The following ASXL3 variants were observed in gnomAD, a reference collection of about 807,000 sequenced individuals.
ASXL3 encodes the protein putative Polycomb group protein ASXL3.
In ASXL3, 34 loss-of-function variants were observed where a neutral mutation model predicts 170.6. The observed-to-expected ratio is 0.20, with a 90% CI of 0.15 to 0.27. The LOEUF (loss-of-function observed/expected upper bound fraction) is 0.27, where lower values mean the gene tolerates loss of function less well. ASXL3 is among the 10% of genes least tolerant of loss of function. ASXL3 has a pLI of 1.00. For synonymous variants in ASXL3, 1,002 were observed against 989.1 expected, an observed-to-expected ratio of 1.01 and a Z score of -0.24; for missense variants, 2,592 against 2,695.3, an observed-to-expected ratio of 0.96 and a Z score of 0.85.
chr18:33,661,764 TC>T, intron 5 of ASXL3, 27 bp downstream of exon 5: 1 of 1,606,918 alleles, frequency 6.2e-7, no homozygotes. Context: ...TTATTCTTTG[TC>T]CTTCAGTTCT....
At chr18:33,651,464 GGA>G (rs761761932) in intron 4 of ASXL3, among the ~76,000 whole-genome samples, 2 of 151,906 alleles carry the variant, frequency 1.3e-5, no homozygotes, top group Non-Finnish European at 2.9e-5. Context: ...TGGAAAGGAG[GGA>G]GAGAGGGAGT....
At chr18:33,731,477 C>A (rs2067443061) in intron 8 of ASXL3, among the ~76,000 whole-genome samples, 1 of 152,178 alleles carries the variant, frequency 6.6e-6, no homozygotes, top group South Asian at 2.1e-4. Flanking sequence ...TCTAACCATT[C>A]TGTCTGGATC....
chr18:33,709,504 A>G (rs1387484785), intron 8 of ASXL3, among the ~76,000 whole-genome samples: 1 of 152,184 alleles, frequency 6.6e-6, no homozygotes, highest in Non-Finnish European at 1.5e-5. Context: ...TCACAAATAC[A>G]ATGTTGAGCA....
At chr18:33,621,464 C>G (rs2065511227) in intron 2 of ASXL3, among the ~76,000 whole-genome samples, 1 of 152,132 alleles carries the variant, frequency 6.6e-6, no homozygotes, top group Non-Finnish European at 1.5e-5. Flanking sequence ...TTGCACCTAC[C>G]TAATAGTAAA....
At chr18:33,654,677 G>A (rs1441344186) in intron 4 of ASXL3, among the ~76,000 whole-genome samples, 1 of 121,224 alleles carries the variant, frequency 8.2e-6, no homozygotes, top group African/African-American at 3.1e-5. Flanking sequence ...TAGATCACAG[G>A]GGTTATACCA....
intron 5 of ASXL3, among the ~76,000 whole-genome samples, chr18:33,670,465 T>TA (rs1568317203): frequency 6.6e-6 from 1 of 152,182 alleles, no homozygotes; most frequent in Non-Finnish European, 1.5e-5. Context: ...GTCTCGGGCT[T>TA]ATACCCTTTG....
rs1470205057 is a variant in ASXL3, at chr18:33,683,391, C to T, written c.716-14C>T. The T allele has an allele frequency of 1.9e-6, 3 of 1,604,560 alleles. No individual in the cohort carries two copies. Among genetic ancestry groups the T allele is most frequent in the South Asian group, 2.2e-5 (2 of 89,020 alleles). The stretch of plus-strand genomic sequence containing the variant: ...ACCTGTAGTAAATTCATGCCTCTTG[C>T]TTGTTCATCACAGGGCACTTGAAAT... On this transcript the variant is annotated splice_polypyrimidine_tract_variant and intron_variant, in intron 7 of 11. Transcript: ENST00000269197.
chr18:33,727,755 C>G (rs1033861886), intron 8 of ASXL3, among the ~76,000 whole-genome samples: 7 of 152,106 alleles, frequency 4.6e-5, no homozygotes, highest in African/African-American at 1.7e-4. Flanking sequence ...CCAGTTCATT[C>G]AAATATATCT....
intron 8 of ASXL3, among the ~76,000 whole-genome samples, chr18:33,718,298 C>T (rs2067199637): frequency 6.6e-6 from 1 of 152,082 alleles, no homozygotes. Flanking sequence ...CTCAAACATA[C>T]CCAGCTCATG....
In ASXL3 at chr18:33,609,659, A is replaced by G. The variant is rs189822305; in HGVS notation, c.137+1983A>G. On this transcript the variant is annotated intron_variant, in intron 2 of 11. Transcript: ENST00000269197. ...GGGAAACATAACTCCCTAGTCCTCT[A>G]AATTGAATCCCTCTCCCCACTTCAC... 2.6e-5 allele frequency among the ~76,000 whole-genome samples: 4 copies of G among 152,122 alleles called. No individual in the cohort carries two copies. The East Asian group carries it at 7.8e-4, about 30-fold the overall frequency.
rs1469589041 is a variant in ASXL3, at chr18:33,738,722, G to A, written c.1318G>A (p.Glu440Lys). The change falls in exon 11 of 12, where the codon GAG (glutamate) becomes AAG (lysine). Residue 440 changes from glutamate to lysine, a missense_variant. Glu to Lys is a moderately conservative substitution (Grantham distance 56, BLOSUM62 1). Around this residue, in one of 4 missense-constraint regions of ASXL3, gnomAD observed 2,246 missense variants for 2,219.6 expected, o/e 1.01. Coordinates refer to ENST00000269197, the MANE Select transcript of ASXL3 (RefSeq NM_030632.3). Reference protein sequence around the residue: ...PKDIMAELESEDILIPEESVI... With the variant: ...PKDIMAELESKDILIPEESVI... The stretch of plus-strand genomic sequence containing the variant: ...AGATATAATGGCAGAATTGGAGTCA[G>A]AGGATATCTTGATCCCTGAAGAATC... 6.2e-7 allele frequency: 1 copy of A among 1,613,968 alleles called. No homozygotes were observed. The highest frequency in any genetic ancestry group is 1.1e-5 in the South Asian group (1 of 91,084).
At chr18:33,597,900 C>G (rs531685561) in intron 1 of ASXL3, among the ~76,000 whole-genome samples, 1 of 152,078 alleles carries the variant, frequency 6.6e-6, no homozygotes, top group East Asian at 1.9e-4. Flanking sequence ...AAATGCCTAG[C>G]CTATTTTGAT....
At chr18:33,674,290 A>G (rs907729065) in intron 7 of ASXL3, among the ~76,000 whole-genome samples, 8 of 152,208 alleles carry the variant, frequency 5.3e-5, no homozygotes, top group Non-Finnish European at 1.2e-4. Flanking sequence ...CATAGGTGTT[A>G]AAGTGCAGGT....
At chr18:33,633,096 A>G (rs1599421408) in intron 2 of ASXL3, among the ~76,000 whole-genome samples, 1 of 152,242 alleles carries the variant, frequency 6.6e-6, no homozygotes, top group Middle Eastern at 3.4e-3. Flanking sequence ...TGGCCTTTTC[A>G]TCTCCACCCC....
chr18:33,738,403 T>C, intron 10 of ASXL3, 84 bp from the exon 11 acceptor site: 1 of 1,326,498 alleles, frequency 7.5e-7, no homozygotes, highest in Non-Finnish European at 1.0e-6. Context: ...TTTACTTCTA[T>C]TGAATACTAC....
chr18:33,671,918 T>G, intron 7 of ASXL3, 52 bp downstream of exon 7: 1 of 1,426,102 alleles, frequency 7.0e-7, no homozygotes, highest in African/African-American at 1.5e-5. Flanking sequence ...TTGTGTTTTC[T>G]CAAATAAATT....
At chr18:33,615,293 C>G (rs1193246095) in intron 2 of ASXL3, among the ~76,000 whole-genome samples, 10 of 152,066 alleles carry the variant, frequency 6.6e-5, no homozygotes, top group African/African-American at 2.4e-4. Flanking sequence ...CCTCATGAAC[C>G]AAACTTTGCT....
chr18:33,637,982 A>G lies in ASXL3; in HGVS notation c.138-6912A>G, dbSNP rs543466919. On this transcript the variant is annotated intron_variant, in intron 2 of 11. Transcript: ENST00000269197. ...TGTTGGAGTACAAATTTATTTCAAG[A>G]TTAGCTTGACATACATAAATAGAGT... Among the ~76,000 whole-genome samples, 17 of 152,210 alleles carry G rather than the reference A, an allele frequency of 1.1e-4. No individual in the cohort carries two copies. The South Asian group carries it at 3.5e-3, about 32-fold the overall frequency.
intron 1 of ASXL3, among the ~76,000 whole-genome samples, chr18:33,598,187 A>C (rs968771211): frequency 1.3e-5 from 2 of 152,186 alleles, no homozygotes; most frequent in Admixed American, 6.5e-5. Context: ...ATATCTATCT[A>C]TACTAGTAGT....
Sources: allele counts gnomAD v4.1 joint callset (sites outside exome capture counted in the v4.1 genomes callset), GRCh38; gene constraint gnomAD v4.1.1; regional missense constraint gnomAD v4.1.1; transcripts MANE v1.5; gene names NCBI Gene and HGNC (gene_info 2026-07-23, HGNC 2026-07-21).